Variants in ATP9A observed in about 807,000 individuals in gnomAD.
ATP9A encodes probable phospholipid-transporting ATPase IIA.
Under a neutral mutation model 144.1 loss-of-function variants are expected in ATP9A, and 52 were observed. The observed-to-expected ratio is 0.36, with a 90% confidence interval of 0.29 to 0.45. The LOEUF (loss-of-function observed/expected upper bound fraction) is 0.45, where lower values mean the gene tolerates loss of function less well. Among genes scored for constraint, ATP9A ranks in the 20% least tolerant of loss-of-function variants. The pLI is 1.00. For synonymous variants in ATP9A, 582 were observed against 557.4 expected, an observed-to-expected ratio of 1.04 and a Z score of -0.62; for missense variants, 947 against 1,392.7, an observed-to-expected ratio of 0.68 and a Z score of 5.09.
intron 1 of ATP9A, among the ~76,000 whole-genome samples, chr20:51,742,894 G>T (rs750249432): frequency 1.3e-5 from 2 of 152,126 alleles, no homozygotes; most frequent in Non-Finnish European, 2.9e-5. Context: ...AATACTGAAG[G>T]GAAACTGAAA....
chr20:51,634,572 T>C (rs535932835), intron 15 of ATP9A, among the ~76,000 whole-genome samples: 4 of 151,980 alleles, frequency 2.6e-5, no homozygotes, highest in Non-Finnish European at 4.4e-5. Flanking sequence ...TCCCCTAACA[T>C]AGGGCCGAGC....
chr20:51,689,986 C>G (rs1367732888), intron 8 of ATP9A, among the ~76,000 whole-genome samples: 1 of 151,172 alleles, frequency 6.6e-6, no homozygotes, highest in African/African-American at 2.4e-5. Context: ...GTGATGCACA[C>G]CTGGAATCCC....
intron 1 of ATP9A, among the ~76,000 whole-genome samples, chr20:51,730,677 A>G (rs2077737069): frequency 6.6e-6 from 1 of 152,216 alleles, no homozygotes; most frequent in South Asian, 2.1e-4. Flanking sequence ...TTCCTCAGCT[A>G]CAAACCTGCA....
At chr20:51,626,024 G>A (rs1299194833) in intron 17 of ATP9A, among the ~76,000 whole-genome samples, 2 of 152,228 alleles carry the variant, frequency 1.3e-5, no homozygotes, top group Non-Finnish European at 2.9e-5. Context: ...CCCACGAAGC[G>A]TGTCCCGCCT....
rs2077172902 is a variant in ATP9A, at chr20:51,608,590, A to C, written c.2673T>G (p.Ser891=). The C allele has an allele frequency of 1.9e-6, 3 of 1,613,642 alleles. No individual in the cohort carries two copies. In the East Asian group the frequency reaches 6.7e-5, roughly 36 times the overall value. The change falls in exon 25 of 28, where the codon TCT becomes TCG. Residue 891 remains serine, a synonymous_variant. Coordinates refer to ENST00000338821, the MANE Select transcript of ATP9A (RefSeq NM_006045.3). ...ATTTGACATCTTTGTCCAGGACCAGAGAAAACACAGGAAACATGGTGTAAA... is the reference window on the plus strand; with the variant it reads ...ATTTGACATCTTTGTCCAGGACCAGCGAAAACACAGGAAACATGGTGTAAA... ...STIYTMFPVF[S]LVLDKDVKSE...
chr20:51,615,085 GC>G (rs1376634470), intron 22 of ATP9A, among the ~76,000 whole-genome samples: 13 of 132,666 alleles, frequency 9.8e-5, no homozygotes, highest in African/African-American at 3.7e-4. Context: ...GGGTGGGGGT[GC>G]CTGGGGGGGC....
At chr20:51,672,843 A>C (rs2077461805) in intron 11 of ATP9A, among the ~76,000 whole-genome samples, 1 of 151,668 alleles carries the variant, frequency 6.6e-6, no homozygotes, top group Non-Finnish European at 1.5e-5. Context: ...GATGGGACAC[A>C]CATACAAGTG....
intron 15 of ATP9A, among the ~76,000 whole-genome samples, chr20:51,629,657 T>A (rs2077262972): frequency 6.6e-6 from 1 of 152,232 alleles, no homozygotes; most frequent in Non-Finnish European, 1.5e-5. Flanking sequence ...CAGCTGAGAA[T>A]AATTCCAGAT....
At chr20:51,758,670 T>C (rs973128384) in intron 1 of ATP9A, among the ~76,000 whole-genome samples, 1 of 152,146 alleles carries the variant, frequency 6.6e-6, no homozygotes, top group South Asian at 2.1e-4. Context: ...CTTATGCTTG[T>C]AATCCCAGCA....
Position 51,761,676 on chromosome 20 carries a change from C to T in ATP9A, c.68+6626G>A, listed in dbSNP as rs1052317908. Among the ~76,000 whole-genome samples the T allele has an allele frequency of 2.6e-5, 4 of 151,816 alleles. No homozygotes were observed. The East Asian group carries it at 5.8e-4, about 22-fold the overall frequency. ...TCGGGAGGCTGAGACAGGAGAATGGCGCGAACCCGGAAGGCGGAGCTTGCA... is the reference window on the plus strand; with the variant it reads ...TCGGGAGGCTGAGACAGGAGAATGGTGCGAACCCGGAAGGCGGAGCTTGCA... On this transcript the variant is annotated intron_variant, in intron 1 of 27. Transcript: ENST00000338821.
intron 14 of ATP9A, among the ~76,000 whole-genome samples, chr20:51,645,365 C>T (rs2077337913): frequency 6.6e-6 from 1 of 152,112 alleles, no homozygotes; most frequent in South Asian, 2.1e-4. Context: ...ACTAAAGATA[C>T]AAAAATTAGC....
At chr20:51,738,869 G>A (rs552183605) in intron 1 of ATP9A, among the ~76,000 whole-genome samples, 5 of 152,292 alleles carry the variant, frequency 3.3e-5, no homozygotes, top group Non-Finnish European at 5.9e-5. Flanking sequence ...GATCACTTGA[G>A]GTAGGAGTTC....
At chr20:51,605,079 C>T (rs979666448) in intron 26 of ATP9A, 59 bp from the exon 27 acceptor site, 6 of 1,422,162 alleles carry the variant, frequency 4.2e-6, no homozygotes, top group South Asian at 3.0e-5. Flanking sequence ...GTGCGCTGCT[C>T]GCCTACACCT....
At chr20:51,696,066 T>G in intron 6 of ATP9A, 27 bp downstream of exon 6, 1 of 1,598,758 alleles carries the variant, frequency 6.3e-7, no homozygotes, top group Non-Finnish European at 8.6e-7. Flanking sequence ...TTAATGGTTA[T>G]TTTCCAAATT....
intron 9 of ATP9A, among the ~76,000 whole-genome samples, chr20:51,682,651 G>T (rs185969482): frequency 6.6e-4 from 89 of 134,006 alleles, no homozygotes; most frequent in African/African-American, 2.3e-3. Flanking sequence ...GGGTGCAATG[G>T]TGCAATCTTG....
At chr20:51,683,099 A>T (rs965434624) in intron 9 of ATP9A, among the ~76,000 whole-genome samples, 92 of 151,794 alleles carry the variant, frequency 6.1e-4, no homozygotes, top group African/African-American at 1.8e-3. Context: ...CTCAAAAAAA[A>T]AATAATAATA....
intron 19 of ATP9A, among the ~76,000 whole-genome samples, chr20:51,619,290 G>A (rs998827333): frequency 3.3e-5 from 5 of 152,196 alleles, no homozygotes; most frequent in Admixed American, 1.3e-4. Flanking sequence ...CTGGCCAAGC[G>A]CAGTGGCTCA....
In ATP9A at chr20:51,622,063, G is replaced by A. The variant is rs1288986417; in HGVS notation, c.2115+11C>T. ...CATCCCCACATGGCCCTAACGCAGA[G>A]GACACTTTACCAGCCGAAAAACGTG... On this transcript the variant is annotated intron_variant, in intron 19 of 27. Transcript: ENST00000338821. 1 of 1,612,970 alleles carries A rather than the reference G, an allele frequency of 6.2e-7. No individual in the cohort carries two copies. Among genetic ancestry groups the A allele is most frequent in the African/African-American group, 1.3e-5 (1 of 74,892 alleles).
rs549930174 is a variant in ATP9A, at chr20:51,642,148, G to GTTTGTTTTGT, written c.1507-2654_1507-2645dup. Among the ~76,000 whole-genome samples, 59 of 150,904 alleles carry GTTTGTTTTGT rather than the reference G, an allele frequency of 3.9e-4. No homozygotes were observed. The East Asian group carries it at 0.011, about 28-fold the overall frequency. On this transcript the variant is annotated intron_variant, in intron 14 of 27. Transcript: ENST00000338821. ...AATTACTGTGCATCTGTTTTTTTTT[G>GTTTGTTTTGT]TTTGTTTTGTTTTGTTTTGTTTTCG...
Sources: gnomAD v4.1 joint callset for allele counts (sites outside exome capture counted in the v4.1 genomes callset) on GRCh38, gnomAD v4.1.1 for gene constraint, MANE v1.5 for transcripts, NCBI Gene and HGNC (gene_info 2026-07-23, HGNC 2026-07-21) for gene names.